Variants in VPS35L observed in about 807,000 individuals in gnomAD.
VPS35L encodes VPS35 endosomal protein sorting factor like.
A neutral mutation model predicts 133.0 loss-of-function variants in VPS35L; 83 were observed. That is an observed-to-expected ratio of 0.62 (90% confidence interval 0.52 to 0.75). The LOEUF (loss-of-function observed/expected upper bound fraction) is 0.75. Among genes scored for constraint, VPS35L ranks in the 30% least tolerant of loss-of-function variants. The pLI is 0.00. For synonymous variants in VPS35L, 423 were observed against 449.9 expected (o/e 0.94, Z 0.76); for missense variants, 1,083 against 1,206.8 (o/e 0.90, Z 1.52).
chr16:19,642,578 T>C (rs1973819902), intron 22 of VPS35L, 102 bp downstream of exon 22: 2 of 943,332 alleles, frequency 2.1e-6, no homozygotes, highest in Non-Finnish European at 3.1e-6. Context: ...GTGAATAATA[T>C]TACTTTATTG....
chr16:19,685,895 T>C (rs932239362), intron 28 of VPS35L, among the ~76,000 whole-genome samples: 3 of 152,046 alleles, frequency 2.0e-5, no homozygotes, highest in Non-Finnish European at 2.9e-5. Context: ...CTCTCCTCTC[T>C]CTCCTCTCCT....
At chr16:19,560,361 C>T (rs1333366182) in intron 1 of VPS35L, among the ~76,000 whole-genome samples, 2 of 152,170 alleles carry the variant, frequency 1.3e-5, no homozygotes, top group Non-Finnish European at 2.9e-5. Flanking sequence ...TTTGATCTAG[C>T]GTTTGCTCAG....
intron 29 of VPS35L, among the ~76,000 whole-genome samples, chr16:19,696,950 C>A (rs899550383): frequency 6.6e-6 from 1 of 152,154 alleles, no homozygotes; most frequent in Admixed American, 6.5e-5. Flanking sequence ...GTGGGGCTCC[C>A]GTTCTCCCAG....
chr16:19,627,476 A>G (rs573652437), intron 15 of VPS35L, among the ~76,000 whole-genome samples: 2 of 152,266 alleles, frequency 1.3e-5, no homozygotes, highest in Admixed American at 1.3e-4. Context: ...CCATCCATCC[A>G]TCTAAACATC....
intron 20 of VPS35L, 115 bp downstream of exon 20, chr16:19,637,771 T>A: frequency 1.4e-6 from 1 of 695,036 alleles, no homozygotes; most frequent in Middle Eastern, 2.5e-4. Flanking sequence ...GCAGTTCCTT[T>A]TATAAAGTAG....
At chr16:19,690,961 C>CAA (rs112601797) in intron 28 of VPS35L, among the ~76,000 whole-genome samples, 1 of 130,860 alleles carries the variant, frequency 7.6e-6, no homozygotes. Context: ...GACTCCGTCT[C>CAA]AAAAAAAAAA....
intron 1 of VPS35L, among the ~76,000 whole-genome samples, chr16:19,555,965 C>T (rs1223849037): frequency 6.6e-6 from 1 of 152,178 alleles, no homozygotes; most frequent in Non-Finnish European, 1.5e-5. Context: ...CCGTCTGCTG[C>T]CTCTCTGCGC....
At chr16:19,622,450 T>A (rs1477797582) in intron 14 of VPS35L, among the ~76,000 whole-genome samples, 1 of 151,874 alleles carries the variant, frequency 6.6e-6, no homozygotes, top group African/African-American at 2.4e-5. Context: ...CCCCCACGTA[T>A]ATCAAAATCC....
At chr16:19,588,159 G>C (rs960196149) in intron 7 of VPS35L, among the ~76,000 whole-genome samples, 1 of 50,088 alleles carries the variant, frequency 2.0e-5, no homozygotes, top group Non-Finnish European at 3.3e-5. Flanking sequence ...GGTAATATAA[G>C]TATGTATGTA....
chr16:19,695,559 A>G (rs995618570), intron 29 of VPS35L, among the ~76,000 whole-genome samples: 1 of 152,052 alleles, frequency 6.6e-6, no homozygotes, highest in Admixed American at 6.6e-5. Flanking sequence ...CATGCCTGTA[A>G]TCCCAACACT....
At chr16:19,614,115 C>T (rs1008354266) in intron 12 of VPS35L, among the ~76,000 whole-genome samples, 5 of 152,322 alleles carry the variant, frequency 3.3e-5, no homozygotes, top group African/African-American at 4.8e-5. Flanking sequence ...CTCCATGGCT[C>T]AGCCACCAGG....
intron 28 of VPS35L, among the ~76,000 whole-genome samples, chr16:19,689,125 C>T (rs1255888710): frequency 4.7e-5 from 7 of 149,882 alleles, no homozygotes; most frequent in African/African-American, 1.5e-4. Context: ...ACTACAGGCG[C>T]GTGCCACCAC....
At position 19,626,237 on chromosome 16, in the gene VPS35L, G is replaced by C; in HGVS notation, c.1271+14G>C. 1 of 1,591,050 alleles carries C rather than the reference G, an allele frequency of 6.3e-7. No individual in the cohort carries two copies. Among genetic ancestry groups the C allele is most frequent in the African/African-American group, 1.3e-5 (1 of 74,152 alleles). On this transcript the variant is annotated intron_variant, in intron 15 of 30. Coordinates refer to ENST00000417362, the MANE Select transcript of VPS35L (RefSeq NM_020314.7). ...ACTAGGAAACAAGTAAGTATTTTAA[G>C]ATTCATAAAGCATGAGTTTGAAAAT...
chr16:19,631,856 A>G (rs947953833), intron 18 of VPS35L, among the ~76,000 whole-genome samples: 1 of 151,276 alleles, frequency 6.6e-6, no homozygotes, highest in Non-Finnish European at 1.5e-5. Context: ...CCACAGGCAC[A>G]TGTGGAGATG....
intron 12 of VPS35L, among the ~76,000 whole-genome samples, chr16:19,615,856 A>C (rs1195168582): frequency 1.3e-5 from 2 of 151,534 alleles, no homozygotes; most frequent in Non-Finnish European, 2.9e-5. Context: ...AATTCCAGCT[A>C]CTCGGGAGGC....
At chr16:19,646,231 T>C (rs1447294621) in intron 23 of VPS35L, among the ~76,000 whole-genome samples, 1 of 152,188 alleles carries the variant, frequency 6.6e-6, no homozygotes, top group Non-Finnish European at 1.5e-5. Context: ...GGATATGGGC[T>C]GGGGCATCTT....
Position 19,616,722 on chromosome 16 carries a change from C to T in VPS35L, c.1138C>T (p.Gln380Ter). 4 of 1,614,056 alleles carry T rather than the reference C, an allele frequency of 2.5e-6. No homozygotes were observed. Among genetic ancestry groups the T allele is most frequent in the Non-Finnish European group, 3.4e-6 (4 of 1,179,998 alleles). ...GDTVQNQLVV[Q>*]GVELPSYLPL... ...TACGGTCCAGAACCAGCTGGTGGTC[C>T]AAGGAGTGGAGCTCCCATCTTACCT... Residue 380 changes from glutamine (Q) to a stop codon, truncating the protein, a stop_gained, in exon 14 of 31, where the codon CAA becomes TAA. Coordinates refer to ENST00000417362, the MANE Select transcript of VPS35L (RefSeq NM_020314.7). LOFTEE classifies it high-confidence loss of function.
At chr16:19,569,906 C>G (rs1169142135) in intron 3 of VPS35L, among the ~76,000 whole-genome samples, 1 of 152,054 alleles carries the variant, frequency 6.6e-6, no homozygotes, top group Non-Finnish European at 1.5e-5. Flanking sequence ...AAGCCTCAAG[C>G]GATCCTCCCA....
At chr16:19,590,768 G>A (rs1397701975) in intron 7 of VPS35L, among the ~76,000 whole-genome samples, 1 of 151,864 alleles carries the variant, frequency 6.6e-6, no homozygotes, top group Non-Finnish European at 1.5e-5. Flanking sequence ...GAGCAACATA[G>A]TGAGAACCTG....
Sources: gnomAD v4.1 joint callset for allele counts (sites outside exome capture counted in the v4.1 genomes callset) on GRCh38, gnomAD v4.1.1 for gene constraint, MANE v1.5 for transcripts, NCBI Gene and HGNC (gene_info 2026-07-23, HGNC 2026-07-21) for gene names.